The following SHC4 variants were observed in gnomAD, a reference collection of about 807,000 sequenced individuals.
SHC4 encodes SHC-transforming protein 4.
SHC4 carries 41 observed loss-of-function variants against 69.4 expected under a neutral mutation model. That is an observed-to-expected ratio of 0.59 (90% confidence interval 0.46 to 0.77). The LOEUF is 0.77. Ranked by LOEUF, SHC4 falls within the 30% of genes least tolerant of loss-of-function variation. The pLI, the probability that SHC4 is intolerant of heterozygous loss-of-function variation, is 0.00. For missense variants in SHC4, 777 were observed against 783.8 expected (o/e 0.99, Z 0.10); for synonymous variants, 318 against 299.3 (o/e 1.06, Z -0.64).
chr15:48,867,845 C>T lies in SHC4; in HGVS notation c.919G>A (p.Val307Ile), dbSNP rs758064025. Residue 307 changes from valine to isoleucine, a missense_variant, in exon 6 of 12, where the codon GTA becomes ATA. Physicochemically the swap from Val to Ile is conservative, Grantham distance 29. Coordinates refer to ENST00000332408, the MANE Select transcript of SHC4 (RefSeq NM_203349.4). ...CGTTGATTAACTGGATCTTTAGCTACGTAGGCAACATAGTCTGTAGTATCC... is the reference window on the plus strand; with the variant it reads ...CGTTGATTAACTGGATCTTTAGCTATGTAGGCAACATAGTCTGTAGTATCC... ...DPDTTDYVAYVAKDPVNQRAC... is the reference protein window; with the variant it reads ...DPDTTDYVAYIAKDPVNQRAC... The T allele has an allele frequency of 4.7e-5, 76 of 1,613,364 alleles. No homozygotes were observed. The highest frequency in any genetic ancestry group is 5.3e-5 in the Non-Finnish European group (63 of 1,179,672).
chr15:48,876,702 C>T (rs1466272836), intron 4 of SHC4: 1 of 559,010 alleles, frequency 1.8e-6, no homozygotes, highest in African/African-American at 1.9e-5. Flanking sequence ...AGGCCAGTCT[C>T]TCTTTTCACA....
chr15:48,864,967 C>A (rs1022878305), intron 6 of SHC4, among the ~76,000 whole-genome samples: 1 of 152,326 alleles, frequency 6.6e-6, no homozygotes, highest in South Asian at 2.1e-4. Context: ...CGCCTTTACA[C>A]GCACATTCGC....
intron 2 of SHC4, among the ~76,000 whole-genome samples, chr15:48,908,859 G>GT (rs1164776784): frequency 2.0e-5 from 3 of 152,170 alleles, no homozygotes; most frequent in Non-Finnish European, 2.9e-5. Flanking sequence ...TCAGTTGGCT[G>GT]TAAGTATTTG....
intron 6 of SHC4, among the ~76,000 whole-genome samples, chr15:48,861,759 A>C (rs1315345765): frequency 6.6e-6 from 1 of 152,184 alleles, no homozygotes; most frequent in Admixed American, 6.5e-5. Context: ...TCACACTTCC[A>C]GCCCTGGGTA....
intron 1 of SHC4, among the ~76,000 whole-genome samples, chr15:48,948,729 G>C (rs188703084): frequency 3.8e-4 from 58 of 152,206 alleles, no homozygotes; most frequent in African/African-American, 1.3e-3. Context: ...AACATAGCAA[G>C]GCCCAGTCTC....
chr15:48,826,737 G>C (rs979810202), intron 11 of SHC4, among the ~76,000 whole-genome samples: 3 of 152,148 alleles, frequency 2.0e-5, no homozygotes, highest in African/African-American at 7.2e-5. Flanking sequence ...TCCCAGGATT[G>C]TAATTATCTT....
chr15:48,888,882 CA>C (rs36036782), intron 3 of SHC4, among the ~76,000 whole-genome samples: 8,496 of 89,000 alleles, frequency 0.095, 293 homozygotes, highest in East Asian at 0.21. Context: ...GTGAAACTGT[CA>C]AAAAAAAAAA....
intron 9 of SHC4, among the ~76,000 whole-genome samples, chr15:48,844,191 A>G (rs1899045698): frequency 6.6e-6 from 1 of 152,178 alleles, no homozygotes; most frequent in African/African-American, 2.4e-5. Context: ...TCTGTTATTC[A>G]ATGAAAAGAA....
In SHC4 at chr15:48,867,142, G is replaced by A. The variant is rs537431646; in HGVS notation, c.946+676C>T. On this transcript the variant is annotated intron_variant, in intron 6 of 11. Coordinates refer to ENST00000332408, the MANE Select transcript of SHC4 (RefSeq NM_203349.4). ...TTAAACATACAAACAAGTGCAATAT[G>A]TGAGTAAATAAAATATTAGGTTGGT... Among the ~76,000 whole-genome samples the A allele has an allele frequency of 2.6e-5, 4 of 152,356 alleles. No individual in the cohort carries two copies. In the South Asian group the frequency reaches 6.2e-4, roughly 24 times the overall value.
At chr15:48,954,072 C>T (rs1901405785) in intron 1 of SHC4, among the ~76,000 whole-genome samples, 1 of 152,178 alleles carries the variant, frequency 6.6e-6, no homozygotes, top group African/African-American at 2.4e-5. Context: ...CGGGTTCATA[C>T]ACTTCATCCC....
At chr15:48,829,905 C>A (rs1351232350) in intron 11 of SHC4, among the ~76,000 whole-genome samples, 1 of 152,042 alleles carries the variant, frequency 6.6e-6, no homozygotes, top group Non-Finnish European at 1.5e-5. Context: ...GGCAATAGAG[C>A]GAGACTCCGT....
chr15:48,835,070 C>T (rs1898876151), intron 10 of SHC4, 48 bp from the exon 11 acceptor site: 1 of 1,548,526 alleles, frequency 6.5e-7, no homozygotes, highest in Admixed American at 1.9e-5. Flanking sequence ...CCTCTTCATC[C>T]ATCCATTCAT....
In SHC4 at chr15:48,877,380, G is replaced by A. The variant is rs953381190; in HGVS notation, c.841-5238C>T. 4.4e-6 allele frequency: 4 copies of A among 904,824 alleles called. No homozygotes were observed. The East Asian group carries it at 3.5e-4, about 80-fold the overall frequency. 56.0% of individuals were successfully genotyped at this position (904,824 alleles called of 1,614,324 possible). On this transcript the variant is annotated intron_variant, in intron 4 of 11. Transcript: ENST00000332408. ...ATAAAGTGCAGAATAAATGAAATGT[G>A]CTTGAATCCTGTAAGTATACACAGT...
Position 48,826,036 on chromosome 15 carries a change from C to T in SHC4, c.1828G>A (p.Glu610Lys), listed in dbSNP as rs1898681602. Residue 610 changes from glutamate (E) to lysine (K), a missense_variant, in exon 12 of 12, where the codon GAA (glutamate) becomes AAA (lysine). Physicochemically the swap from Glu to Lys is moderately conservative, Grantham distance 56. Coordinates refer to ENST00000332408, the MANE Select transcript of SHC4 (RefSeq NM_203349.4). ...NSLPIISSGS[E>K]VSLKQPVRKD... The stretch of plus-strand genomic sequence containing the variant: ...CTCACTGGTTGTTTAAGGCTTACTT[C>T]GCTTCCAGAGGAGATGATTGGCAAA... 4.3e-6 allele frequency: 7 copies of T among 1,613,852 alleles called. No individual in the cohort carries two copies. Among genetic ancestry groups the T allele is most frequent in the Middle Eastern group, 1.6e-4 (1 of 6,078 alleles).
chr15:48,824,474 C>T lies in SHC4; in HGVS notation c.*1497G>A, dbSNP rs28655491. On this transcript the variant is annotated 3_prime_UTR_variant, in exon 12 of 12. Coordinates refer to ENST00000332408, the MANE Select transcript of SHC4 (RefSeq NM_203349.4). ...GCAAGAAAAGGACATAAGTAGTTTT[C>T]TGCTACTCAAACCAAATCCACTTTT... 1.3e-5 allele frequency: 2 copies of T among 151,400 alleles called. No individual in the cohort carries two copies. The highest frequency in any genetic ancestry group is 2.9e-5 in the Non-Finnish European group (2 of 67,900). 9.4% of individuals were successfully genotyped at this position (151,400 alleles called of 1,614,324 possible).
rs148753803 is a variant in SHC4, at chr15:48,843,388, A to G, written c.1483+21T>C. 220 of 1,586,286 alleles carry G rather than the reference A, an allele frequency of 1.4e-4. No individual in the cohort carries two copies. The African/African-American group carries it at 2.8e-3, about 20-fold the overall frequency. On this transcript the variant is annotated intron_variant, in intron 10 of 11. Coordinates refer to ENST00000332408, the MANE Select transcript of SHC4 (RefSeq NM_203349.4). ...TAAAACAGCCCTAAGAAATGAATAC[A>G]GACAGTGAGTAGCTACTTACTTCCG...
intron 10 of SHC4, among the ~76,000 whole-genome samples, chr15:48,836,189 TCAAA>T (rs1898895949): frequency 1.3e-5 from 2 of 152,070 alleles, no homozygotes; most frequent in Non-Finnish European, 1.5e-5. Flanking sequence ...AGACCCTGCC[TCAAA>T]CAAACAAAAA....
chr15:48,835,788 C>T (rs1028016014), intron 10 of SHC4, among the ~76,000 whole-genome samples: 11 of 152,110 alleles, frequency 7.2e-5, no homozygotes, highest in African/African-American at 2.2e-4. Flanking sequence ...ATAGTTACTG[C>T]GTAGTTCTCA....
chr15:48,916,945 C>A (rs924146545), intron 2 of SHC4, among the ~76,000 whole-genome samples: 1 of 152,090 alleles, frequency 6.6e-6, no homozygotes, highest in African/African-American at 2.4e-5. Context: ...TGTGCTCCGC[C>A]CCTCGGGGTG....
Sources: allele counts gnomAD v4.1 joint callset (sites outside exome capture counted in the v4.1 genomes callset), GRCh38; gene constraint gnomAD v4.1.1; transcripts MANE v1.5; gene names NCBI Gene and HGNC (gene_info 2026-07-23, HGNC 2026-07-21).